AHRR: variants seen among roughly 807,000 people sequenced by gnomAD.
AHRR encodes aryl hydrocarbon receptor repressor, also known as ahR repressor.
AHRR carries 28 observed loss-of-function variants against 44.0 expected under a neutral mutation model. The observed-to-expected ratio is 0.64, with a 90% confidence interval of 0.47 to 0.87. The LOEUF (loss-of-function observed/expected upper bound fraction) is 0.87, where lower values mean the gene tolerates loss of function less well. Among genes scored for constraint, AHRR ranks in the 40% least tolerant of loss-of-function variants. AHRR has a pLI of 0.00. For missense variants in AHRR, 990 were observed against 953.9 expected (o/e 1.04, Z -0.50); for synonymous variants, 434 against 407.0 (o/e 1.07, Z -0.80).
Position 338,782 on chromosome 5 carries a change from C to T in AHRR, c.-10-5111C>T, listed in dbSNP as rs1742228295. On this transcript the variant is annotated intron_variant, in intron 1 of 10. Transcript: ENST00000684583. This position sits in a 1 kb window ranked among gnomAD's most constrained non-coding sequence, Gnocchi z 4.1. Reference sequence around the variant, plus strand: ...TCCTGTTTCTTGTGCTTGGAGCTCACTGAGCTTCTTGGGTCTGTAGGTTTA... The same window carrying T: ...TCCTGTTTCTTGTGCTTGGAGCTCATTGAGCTTCTTGGGTCTGTAGGTTTA... Among the ~76,000 whole-genome samples, 1 of 152,206 alleles carries T rather than the reference C, an allele frequency of 6.6e-6. No homozygotes were observed. Among genetic ancestry groups the T allele is most frequent in the Non-Finnish European group, 1.5e-5 (1 of 68,044 alleles).
At chr5:344,010 AAGGGG>A (rs756999672) in intron 2 of AHRR, 46 bp downstream of exon 2, 22 of 1,566,012 alleles carry the variant, frequency 1.4e-5, no homozygotes, top group Middle Eastern at 3.4e-4. Context: ...GCACCCATGG[AAGGGG>A]AGGGTTGGGG....
chr5:406,216 C>T lies in AHRR; in HGVS notation c.352-7128C>T, dbSNP rs959668648. On this transcript the variant is annotated intron_variant, in intron 4 of 10. Transcript: ENST00000684583. This position sits in a 1 kb window ranked among gnomAD's most constrained non-coding sequence, Gnocchi z 4.7. ...CCCACGGTGTCGCTGGGGACTTCTG[C>T]TGCCCCCAGCCCCCCTTCCTTCCAG... 4.6e-5 allele frequency among the ~76,000 whole-genome samples: 7 copies of T among 152,224 alleles called. No homozygotes were observed. Among genetic ancestry groups the T allele is most frequent in the African/African-American group, 1.2e-4 (5 of 41,456 alleles).
intron 4 of AHRR, among the ~76,000 whole-genome samples, chr5:391,514 C>T (rs1343339396): frequency 1.5e-5 from 1 of 67,950 alleles, no homozygotes; most frequent in Non-Finnish European, 2.4e-5. Flanking sequence ...AGGGCCAGAG[C>T]GTGCATGGGG....
chr5:354,440 G>T (rs1255965617), intron 3 of AHRR, among the ~76,000 whole-genome samples: 1 of 152,186 alleles, frequency 6.6e-6, no homozygotes. Flanking sequence ...CACAGCTGCT[G>T]GGGCTGCCCT....
chr5:324,021 T>TTCTCTCTCTG (rs1553975198), intron 1 of AHRR, among the ~76,000 whole-genome samples: 15 of 132,480 alleles, frequency 1.1e-4, no homozygotes, highest in African/African-American at 5.0e-4. Context: ...CTTTCTTTCT[T>TTCTCTCTCTG]TCTCTCTCTC....
chr5:414,996 C>G (rs980520719), intron 5 of AHRR, among the ~76,000 whole-genome samples: 1 of 152,246 alleles, frequency 6.6e-6, no homozygotes, highest in African/African-American at 2.4e-5. Flanking sequence ...AAACCCCAGC[C>G]CCACTGAGGC....
At chr5:346,547 ATC>A (rs1247069233) in intron 2 of AHRR, among the ~76,000 whole-genome samples, 2 of 152,056 alleles carry the variant, frequency 1.3e-5, no homozygotes, top group African/African-American at 4.8e-5. Context: ...TGCTACCCAA[ATC>A]TCTCAAGTGC....
chr5:433,918 C>A lies in AHRR; in HGVS notation c.1178C>A (p.Thr393Asn). 1.3e-6 allele frequency: 2 copies of A among 1,535,250 alleles called. No individual in the cohort carries two copies. The highest frequency in any genetic ancestry group is 1.8e-6 in the Non-Finnish European group (2 of 1,141,618). The change falls in exon 11 of 11, where the codon ACT (threonine) becomes AAT (asparagine). Residue 393 changes from threonine (T) to asparagine (N), a missense_variant. By Grantham distance (65) the Thr-to-Asn change is moderately conservative (BLOSUM62 0). Coordinates refer to ENST00000684583, the MANE Select transcript of AHRR (RefSeq NM_001377236.1). ...RASGVTGRRE[T>N]PGPTKPLPWT... ...TCTGGAGTGACAGGGCGGAGGGAGA[C>A]TCCAGGACCCACAAAGCCCCTGCCC... is the stretch of plus-strand genomic sequence containing the variant.
intron 5 of AHRR, among the ~76,000 whole-genome samples, chr5:414,614 C>G (rs186014950): frequency 1.3e-5 from 2 of 152,164 alleles, no homozygotes; most frequent in African/African-American, 4.8e-5. Context: ...GTAAACAAAC[C>G]GTGCTTCCTG....
chr5:402,518 A>C (rs1735059970), intron 4 of AHRR, among the ~76,000 whole-genome samples: 1 of 151,284 alleles, frequency 6.6e-6, no homozygotes, highest in Non-Finnish European at 1.5e-5. Flanking sequence ...GCGGGAAGGC[A>C]GTCGTTGATG....
intron 3 of AHRR, among the ~76,000 whole-genome samples, chr5:364,332 G>A (rs946757632): frequency 2.0e-5 from 3 of 152,148 alleles, no homozygotes; most frequent in Non-Finnish European, 2.9e-5. Flanking sequence ...GACTATATGG[G>A]TAAATCAAAT....
At chr5:329,040 G>A (rs551989571) in intron 1 of AHRR, among the ~76,000 whole-genome samples, 1 of 152,164 alleles carries the variant, frequency 6.6e-6, no homozygotes, top group Non-Finnish European at 1.5e-5. Flanking sequence ...TATGGGGGCA[G>A]TTTCCTCCAT....
At chr5:398,919 A>AC (rs985925837) in intron 4 of AHRR, among the ~76,000 whole-genome samples, 1 of 151,208 alleles carries the variant, frequency 6.6e-6, no homozygotes, top group African/African-American at 2.4e-5. Context: ...TGCACCTGGG[A>AC]CCCCCCTGCC....
rs549956207 is a variant in AHRR, at chr5:373,624, G to A, written c.245-2986G>A. On this transcript the variant is annotated intron_variant, in intron 3 of 10. Transcript: ENST00000684583. ...GGGGGGTCTCTCTCCACATCACAGA[G>A]GAGGAGACTGGGGCTGGAGAGGTGG... is the stretch of plus-strand genomic sequence containing the variant. 2.0e-5 allele frequency among the ~76,000 whole-genome samples: 3 copies of A among 152,234 alleles called. No homozygotes were observed. The South Asian group carries it at 6.2e-4, about 32-fold the overall frequency.
intron 2 of AHRR, among the ~76,000 whole-genome samples, chr5:344,239 C>G (rs1161667093): frequency 6.6e-6 from 1 of 150,788 alleles, no homozygotes; most frequent in Non-Finnish European, 1.5e-5. Flanking sequence ...AGGCCAAGGA[C>G]GCGGGCGGAG....
At chr5:429,096 T>A (rs1295673904) in intron 8 of AHRR, among the ~76,000 whole-genome samples, 2 of 152,200 alleles carry the variant, frequency 1.3e-5, no homozygotes, top group Non-Finnish European at 2.9e-5. Flanking sequence ...TATAGTTTCC[T>A]AGAATGTGTT....
chr5:325,039 C>G (rs1741656246), intron 1 of AHRR, among the ~76,000 whole-genome samples: 1 of 152,196 alleles, frequency 6.6e-6, no homozygotes, highest in Admixed American at 6.5e-5. Flanking sequence ...CGAGTAGTCA[C>G]TGGTATGTGA....
At chr5:396,307 A>G (rs1460842761) in intron 4 of AHRR, among the ~76,000 whole-genome samples, 3 of 152,076 alleles carry the variant, frequency 2.0e-5, no homozygotes, top group South Asian at 4.1e-4. Context: ...GGGAGGGGGC[A>G]TCCCACACCC....
chr5:428,473 G>A (rs543883344), intron 8 of AHRR, among the ~76,000 whole-genome samples: 6 of 152,306 alleles, frequency 3.9e-5, no homozygotes, highest in East Asian at 1.9e-4. Context: ...GCTGGTCCTC[G>A]TCCCTGGCCA....
Sources: allele counts gnomAD v4.1 joint callset (sites outside exome capture counted in the v4.1 genomes callset), GRCh38; gene constraint gnomAD v4.1.1; non-coding constraint Gnocchi (gnomAD v3.1); transcripts MANE v1.5; gene names NCBI Gene and HGNC (gene_info 2026-07-23, HGNC 2026-07-21).